Variants in AGMO observed in about 807,000 individuals in gnomAD.
AGMO encodes alkylglycerol monooxygenase.
In AGMO, 75 loss-of-function variants were observed where a neutral mutation model predicts 60.2. The ratio of observed to expected loss-of-function variants is 1.25; its 90% CI spans 1.03 to 1.51. The LOEUF (loss-of-function observed/expected upper bound fraction) is 1.51. Ranked by LOEUF, AGMO falls within the 40% of genes most tolerant of loss-of-function variation. The probability of loss-of-function intolerance (pLI) is 0.00; values close to 1 mark genes in which losing one functional copy is unlikely to be tolerated. For synonymous variants in AGMO, 261 were observed against 177.1 expected, an observed-to-expected ratio of 1.47 and a Z score of -3.76; for missense variants, 763 against 525.5, an observed-to-expected ratio of 1.45 and a Z score of -4.42.
At chr7:15,322,936 G>A (rs1490375512) in intron 12 of AGMO, among the ~76,000 whole-genome samples, 2 of 145,072 alleles carry the variant, frequency 1.4e-5, no homozygotes, top group Admixed American at 7.2e-5. Flanking sequence ...TTACATATGT[G>A]TGTGTGTGCA....
chr7:15,192,323 G>A, the AGMO span, among the ~76,000 whole-genome samples: 1 of 151,844 alleles, frequency 6.6e-6, no homozygotes, highest in East Asian at 2.0e-4. Flanking sequence ...CAAAAGAGTG[G>A]AAGAGTGACA....
chr7:15,220,396 T>TGCCTTTATAA (rs1781883953), intron 12 of AGMO, among the ~76,000 whole-genome samples: 1 of 151,436 alleles, frequency 6.6e-6, no homozygotes, highest in South Asian at 2.1e-4. Context: ...AATTTTTTTT[T>TGCCTTTATAA]TTAGTAGAGA....
At chr7:15,127,806 T>C in the AGMO span, among the ~76,000 whole-genome samples, 1 of 152,298 alleles carries the variant, frequency 6.6e-6, no homozygotes, top group South Asian at 2.1e-4. Context: ...TCTGTGGTTG[T>C]AAATTTAACT....
In AGMO at chr7:15,391,792, A is replaced by C. The variant is rs995021936; in HGVS notation, c.677-887T>G. On this transcript the variant is annotated intron_variant, in intron 6 of 12. Transcript: ENST00000342526. The stretch of plus-strand genomic sequence containing the variant: ...AGGGAAGCATTTTGCCCCTTAAGGA[A>C]CATTTGGCAATTTCTGGAGACATGA... Among the ~76,000 whole-genome samples the C allele has an allele frequency of 1.3e-5, 2 of 152,274 alleles. 1 individual carries two copies. The highest frequency in any genetic ancestry group is 6.8e-3 in the Middle Eastern group (2 of 294).
At chr7:15,356,395 A>T (rs1217883212) in intron 12 of AGMO, among the ~76,000 whole-genome samples, 2 of 152,220 alleles carry the variant, frequency 1.3e-5, no homozygotes, top group African/African-American at 4.8e-5. Flanking sequence ...CATTTTAAAA[A>T]TAAACATTTT....
intron 12 of AGMO, among the ~76,000 whole-genome samples, chr7:15,235,418 C>G (rs1782387413): frequency 6.6e-6 from 1 of 152,054 alleles, no homozygotes; most frequent in Non-Finnish European, 1.5e-5. Context: ...CAACTATTTG[C>G]TTTATCAAGT....
intron 12 of AGMO, among the ~76,000 whole-genome samples, chr7:15,250,721 C>T (rs1304150529): frequency 6.6e-6 from 1 of 152,060 alleles, no homozygotes; most frequent in Non-Finnish European, 1.5e-5. Flanking sequence ...AGGTGGATCA[C>T]CTGAGGTCAG....
At chr7:15,536,953 G>C (rs1050095520) in intron 3 of AGMO, among the ~76,000 whole-genome samples, 1 of 151,538 alleles carries the variant, frequency 6.6e-6, no homozygotes. Flanking sequence ...CAAATATTTT[G>C]TGTGCTAATG....
intron 12 of AGMO, chr7:15,306,661 G>A: frequency 2.9e-6 from 1 of 341,694 alleles, no homozygotes; most frequent in Non-Finnish European, 5.7e-6. Context: ...GATTGTTAAT[G>A]CTTCAAATAG....
intron 5 of AGMO, among the ~76,000 whole-genome samples, chr7:15,398,516 A>C (rs2128488844): frequency 6.6e-6 from 1 of 152,210 alleles, no homozygotes; most frequent in South Asian, 2.1e-4. Context: ...TCATGTAAAA[A>C]ACCCTTCCAA....
intron 12 of AGMO, among the ~76,000 whole-genome samples, chr7:15,269,541 G>T (rs1338603203): frequency 6.6e-5 from 10 of 152,016 alleles, no homozygotes; most frequent in Admixed American, 6.6e-4. Context: ...CCAGAGATGG[G>T]GGTAGTTATT....
chr7:15,354,302 A>ACACG (rs1563104699), intron 12 of AGMO, among the ~76,000 whole-genome samples: 6 of 80,994 alleles, frequency 7.4e-5, no homozygotes, highest in Non-Finnish European at 1.3e-4. Flanking sequence ...AAATATATAT[A>ACACG]CGTGTATACA....
rs908870367 is a variant in AGMO at position 15,501,636 on chromosome 7, T to A, written c.409+43136A>T. Among the ~76,000 whole-genome samples, 3 of 151,962 alleles carry A rather than the reference T, an allele frequency of 2.0e-5. No homozygotes were observed. In the East Asian group the frequency reaches 5.8e-4, roughly 29 times the overall value. ...AATACAGTGACAAATGCAGGGATGG[T>A]AGACTTATGATGGTAGGCGAAAAAT... On this transcript the variant is annotated intron_variant, in intron 3 of 12. Transcript: ENST00000342526.
At chr7:15,340,858 T>C (rs557772498) in intron 12 of AGMO, among the ~76,000 whole-genome samples, 2 of 152,166 alleles carry the variant, frequency 1.3e-5, no homozygotes, top group East Asian at 1.9e-4. Context: ...CACTGCCTAG[T>C]GGAGCTGTGA....
At chr7:15,348,227 A>C (rs1231167109) in intron 12 of AGMO, among the ~76,000 whole-genome samples, 1 of 152,056 alleles carries the variant, frequency 6.6e-6, no homozygotes, top group Non-Finnish European at 1.5e-5. Flanking sequence ...CTCCAACTCC[A>C]AAGGACACCT....
At chr7:15,209,997 T>G (rs1167074899) in intron 12 of AGMO, among the ~76,000 whole-genome samples, 1 of 152,076 alleles carries the variant, frequency 6.6e-6, no homozygotes, top group Non-Finnish European at 1.5e-5. Context: ...TATCAACACC[T>G]CACATCTCTT....
At chr7:15,174,734 C>A in the AGMO span, among the ~76,000 whole-genome samples, 1 of 148,794 alleles carries the variant, frequency 6.7e-6, no homozygotes, top group Non-Finnish European at 1.5e-5. Context: ...ACTGGGCACA[C>A]CTATTTTAAA....
chr7:15,523,642 T>C (rs1382449433), intron 3 of AGMO, among the ~76,000 whole-genome samples: 1 of 152,070 alleles, frequency 6.6e-6, no homozygotes, highest in East Asian at 1.9e-4. Flanking sequence ...TGAGAATATA[T>C]GGGCATAGGA....
chr7:15,158,170 T>C, the AGMO span, among the ~76,000 whole-genome samples: 13 of 152,318 alleles, frequency 8.5e-5, no homozygotes, highest in Admixed American at 7.2e-4. Context: ...AAAAGTTCCA[T>C]GAACCCTAGG....
Sources: gnomAD v4.1 joint callset for allele counts (sites outside exome capture counted in the v4.1 genomes callset) on GRCh38, gnomAD v4.1.1 for gene constraint, MANE v1.5 for transcripts, NCBI Gene and HGNC (gene_info 2026-07-23, HGNC 2026-07-21) for gene names.